SVEP1: variants seen among roughly 807,000 people sequenced by gnomAD.
The protein encoded by SVEP1 is sushi, von Willebrand factor type A, EGF and pentraxin domain containing 1.
Under a neutral mutation model 367.3 loss-of-function variants are expected in SVEP1, and 164 were observed. The ratio of observed to expected loss-of-function variants is 0.45; its 90% CI spans 0.39 to 0.51. The LOEUF (loss-of-function observed/expected upper bound fraction) is 0.51, where lower values mean the gene tolerates loss of function less well. Among genes scored for constraint, SVEP1 ranks in the 20% least tolerant of loss-of-function variants. The probability of loss-of-function intolerance (pLI) is 0.00; values close to 1 mark genes in which losing one functional copy is unlikely to be tolerated. For missense variants in SVEP1, 4,117 were observed against 4,425.3 expected (o/e 0.93, Z 1.98); for synonymous variants, 1,666 against 1,611.6 (o/e 1.03, Z -0.81).
At chr9:110,520,051 T>C (rs905122302) in intron 3 of SVEP1, among the ~76,000 whole-genome samples, 5 of 152,168 alleles carry the variant, frequency 3.3e-5, no homozygotes, top group African/African-American at 1.2e-4. Context: ...TAATGCTGCA[T>C]GAAAAGGACC....
chr9:110,527,366 A>G (rs566858155), intron 3 of SVEP1, among the ~76,000 whole-genome samples: 2 of 152,198 alleles, frequency 1.3e-5, no homozygotes, highest in African/African-American at 4.8e-5. Context: ...TTCAAAGCAG[A>G]GAAACTGCAT....
At position 110,547,522 on chromosome 9, in the gene SVEP1, G is replaced by T. The variant is rs142553944; in HGVS notation, c.788-1231C>A. The stretch of plus-strand genomic sequence containing the variant: ...CCTGGGAGGTGGAGGCTGCAGCGAG[G>T]TGTGATCACACCACTGCACTATATA... On this transcript the variant is annotated intron_variant, in intron 2 of 47. Transcript: ENST00000374469. Among the ~76,000 whole-genome samples, 425 of 152,254 alleles carry T rather than the reference G, an allele frequency of 2.8e-3. 1 individual carries two copies. The highest frequency in any genetic ancestry group is 4.8e-3 in the Non-Finnish European group (328 of 68,004).
chr9:110,429,797 A>G, intron 34 of SVEP1, 123 bp downstream of exon 34: 1 of 728,002 alleles, frequency 1.4e-6, no homozygotes, highest in South Asian at 1.7e-5. Flanking sequence ...CATTCGATTA[A>G]TTACATATTA....
chr9:110,411,544 T>G lies in SVEP1; in HGVS notation c.6167A>C (p.Asn2056Thr). 6.2e-7 allele frequency: 1 copy of G among 1,614,032 alleles called. No individual in the cohort carries two copies. The highest frequency in any genetic ancestry group is 8.5e-7 in the Non-Finnish European group (1 of 1,179,892). ...CTGGGCATTGCAGAGAAGCTGGGAA[T>G]TGTCTGCTAGGCTGTAACCATCAGA... The part of the protein sequence containing the change: ...YCSDGYSLAD[N>T]SQLLCNAQGK... The change falls in exon 37 of 48, where the codon AAT becomes ACT. Residue 2056 changes from asparagine (N) to threonine (T), a missense_variant. This residue lies in a region of SVEP1 where 2,174 missense variants were observed against 2,494.3 expected (regional missense o/e 0.87). Coordinates refer to ENST00000374469, the MANE Select transcript of SVEP1 (RefSeq NM_153366.4).
intron 39 of SVEP1, among the ~76,000 whole-genome samples, chr9:110,402,590 T>TAA: frequency 6.7e-6 from 1 of 148,628 alleles, no homozygotes; most frequent in South Asian, 2.1e-4. Flanking sequence ...ATTATTGACT[T>TAA]AAAAAAAAAA....
chr9:110,463,328 T>C (rs1042697541), intron 18 of SVEP1, among the ~76,000 whole-genome samples: 3 of 152,092 alleles, frequency 2.0e-5, no homozygotes, highest in African/African-American at 7.2e-5. Flanking sequence ...CCCAAGAATA[T>C]GTAATAACCT....
At chr9:110,423,310 T>G (rs1473271352) in intron 36 of SVEP1, among the ~76,000 whole-genome samples, 2 of 151,974 alleles carry the variant, frequency 1.3e-5, no homozygotes, top group Non-Finnish European at 2.9e-5. Context: ...CTGGAAAAGA[T>G]GCAAAGAACA....
intron 8 of SVEP1, among the ~76,000 whole-genome samples, chr9:110,494,489 G>T (rs944583036): frequency 3.3e-5 from 5 of 152,124 alleles, no homozygotes; most frequent in African/African-American, 1.2e-4. Context: ...GTAGAATAAT[G>T]GTTATTTTCT....
chr9:110,412,504 AC>A (rs1828058476), intron 36 of SVEP1, among the ~76,000 whole-genome samples: 1 of 152,100 alleles, frequency 6.6e-6, no homozygotes, highest in South Asian at 2.1e-4. Flanking sequence ...CATGTCTAAA[AC>A]ACCAAAAGCA....
intron 27 of SVEP1, among the ~76,000 whole-genome samples, chr9:110,441,883 C>T (rs938538793): frequency 2.0e-5 from 3 of 152,192 alleles, no homozygotes; most frequent in Admixed American, 6.5e-5. Context: ...TCTTAAAATG[C>T]TTCAGTAACT....
intron 36 of SVEP1, among the ~76,000 whole-genome samples, chr9:110,412,151 G>T (rs1481598244): frequency 6.6e-6 from 1 of 152,180 alleles, no homozygotes; most frequent in South Asian, 2.1e-4. Flanking sequence ...CAAGGAGTAA[G>T]CTGTATAGTG....
chr9:110,551,330 A>G (rs1321903641), intron 1 of SVEP1, among the ~76,000 whole-genome samples: 1 of 152,208 alleles, frequency 6.6e-6, no homozygotes, highest in African/African-American at 2.4e-5. Flanking sequence ...TTAGTATATA[A>G]TCAGTGGGTA....
chr9:110,513,342 G>T (rs1279225288), intron 4 of SVEP1, among the ~76,000 whole-genome samples: 1 of 151,918 alleles, frequency 6.6e-6, no homozygotes, highest in Non-Finnish European at 1.5e-5. Context: ...TATTTGTTAA[G>T]CTTTAAAAAA....
At position 110,549,895 on chromosome 9, in the gene SVEP1, G is replaced by A. The variant is rs757712555; in HGVS notation, c.741C>T (p.His247=). 27 of 1,613,786 alleles carry A rather than the reference G, an allele frequency of 1.7e-5. 1 individual carries two copies. In the South Asian group the frequency reaches 2.7e-4, roughly 16 times the overall value. The change falls in exon 2 of 48, where the codon CAC becomes CAT. Residue 247 remains histidine (H), a synonymous_variant. Coordinates refer to ENST00000374469, the MANE Select transcript of SVEP1 (RefSeq NM_153366.4). ...TPKEEHCYLL[H]SFEEFEALAR... is the part of the protein sequence containing the mutation. ...CTAAAGCCTCAAATTCTTCAAAACT[G>A]TGTAGCAGGTAACAGTGCTCCTCCT...
chr9:110,448,169 GCT>G (rs535450817), intron 24 of SVEP1, among the ~76,000 whole-genome samples: 10,249 of 55,020 alleles, frequency 0.19, 462 homozygotes, highest in Non-Finnish European at 0.2. Context: ...GTGTGCGCGC[GCT>G]CGCGCGTGTG....
At chr9:110,404,667 G>A (rs1827927674) in intron 38 of SVEP1, 115 bp from the exon 39 acceptor site, 1 of 937,920 alleles carries the variant, frequency 1.1e-6, no homozygotes, top group Admixed American at 2.0e-5. Flanking sequence ...GCAACATATT[G>A]ATTGTTGCAC....
Position 110,387,358 on chromosome 9 carries a change from G to A in SVEP1, c.9987C>T (p.Tyr3329=), listed in dbSNP as rs753872713. 6.2e-7 allele frequency: 1 copy of A among 1,613,704 alleles called. No individual in the cohort carries two copies. The highest frequency in any genetic ancestry group is 1.1e-5 in the South Asian group (1 of 91,052). The change falls in exon 42 of 48, where the codon TAC becomes TAT. Residue 3329 remains tyrosine (Y), a synonymous_variant. Transcript: ENST00000374469. ...PNVVYSCNRG[Y]SLEGPSEAHC... is the part of the protein sequence containing the mutation. ...GTGCCTCAGATGGCCCTTCAAGACT[G>A]TAGCCTCTGTTGCAGGAATATACCA... is the stretch of plus-strand genomic sequence containing the variant.
At chr9:110,484,193 G>A (rs1309203229) in intron 9 of SVEP1, among the ~76,000 whole-genome samples, 1 of 152,206 alleles carries the variant, frequency 6.6e-6, no homozygotes, top group African/African-American at 2.4e-5. Context: ...AGATGTTAGT[G>A]TGAGTGGCCT....
At chr9:110,567,042 A>C (rs1254826266) in intron 1 of SVEP1, among the ~76,000 whole-genome samples, 1 of 152,240 alleles carries the variant, frequency 6.6e-6, no homozygotes, top group Non-Finnish European at 1.5e-5. Context: ...GTCCTTTGAG[A>C]TGTTACAACT....
Sources: gnomAD v4.1 joint callset for allele counts (sites outside exome capture counted in the v4.1 genomes callset) on GRCh38, gnomAD v4.1.1 for gene constraint, gnomAD v4.1.1 regional missense constraint, MANE v1.5 for transcripts, NCBI Gene and HGNC (gene_info 2026-07-23, HGNC 2026-07-21) for gene names.